The following SPON1 variants were observed in gnomAD, a reference collection of about 807,000 sequenced individuals.
The protein encoded by SPON1 is spondin-1.
A neutral mutation model predicts 111.7 loss-of-function variants in SPON1; 52 were observed. That is an observed-to-expected ratio of 0.47 (90% CI 0.37 to 0.59). The LOEUF (loss-of-function observed/expected upper bound fraction) is 0.59. Ranked by LOEUF, SPON1 falls within the 20% of genes least tolerant of loss-of-function variation. SPON1 has a pLI of 0.00. For synonymous variants in SPON1, 410 were observed against 395.8 expected (o/e 1.04, Z -0.43); for missense variants, 957 against 1,068.5 (o/e 0.90, Z 1.46).
chr11:14,057,831 C>CAAAAAAAAAAAAAAAAAAAAAAAA (rs782306609), intron 3 of SPON1, among the ~76,000 whole-genome samples: 11 of 100,570 alleles, frequency 1.1e-4, no homozygotes, highest in Admixed American at 3.3e-4. Context: ...CTTGTCTCTA[C>CAAAAAAAAAAAAAAAAAAAAAAAA]AAAAAAAAAA....
intron 6 of SPON1, among the ~76,000 whole-genome samples, chr11:14,241,342 T>G (rs1317535356): frequency 6.6e-6 from 1 of 152,038 alleles, no homozygotes; most frequent in Non-Finnish European, 1.5e-5. Flanking sequence ...AGTAAGAAAT[T>G]GTCATGGAAG....
chr11:14,066,578 G>C (rs1848834209), intron 3 of SPON1, among the ~76,000 whole-genome samples: 1 of 152,162 alleles, frequency 6.6e-6, no homozygotes, highest in African/African-American at 2.4e-5. Context: ...TGATCCAGCA[G>C]GTACCCCTAA....
intron 6 of SPON1, among the ~76,000 whole-genome samples, chr11:14,175,097 G>A (rs782107909): frequency 2.6e-5 from 4 of 152,168 alleles, no homozygotes; most frequent in African/African-American, 9.6e-5. Context: ...AAACCAGAAA[G>A]GAATCATTCC....
chr11:14,042,661 C>G (rs1215342974), intron 3 of SPON1, among the ~76,000 whole-genome samples: 1 of 151,950 alleles, frequency 6.6e-6, no homozygotes, highest in Non-Finnish European at 1.5e-5. Flanking sequence ...TTTTTAAATC[C>G]TCGAAGGTCT....
intron 2 of SPON1, among the ~76,000 whole-genome samples, chr11:13,990,301 G>T (rs1848217896): frequency 6.8e-6 from 1 of 146,110 alleles, no homozygotes; most frequent in Non-Finnish European, 1.5e-5. Context: ...ATTCTGTAAT[G>T]CCCTTCTTTG....
At chr11:14,058,340 C>G (rs971473973) in intron 3 of SPON1, among the ~76,000 whole-genome samples, 4 of 152,020 alleles carry the variant, frequency 2.6e-5, no homozygotes, top group Non-Finnish European at 5.9e-5. Context: ...CCTGTGTGAC[C>G]GGAGACTCGC....
chr11:14,049,710 C>G (rs1323530053), intron 3 of SPON1, among the ~76,000 whole-genome samples: 2 of 152,082 alleles, frequency 1.3e-5, no homozygotes, highest in South Asian at 2.1e-4. Flanking sequence ...GGTCCACAGC[C>G]CTTCATCCAC....
intron 2 of SPON1, among the ~76,000 whole-genome samples, chr11:13,992,883 C>T (rs1848242437): frequency 6.6e-6 from 1 of 152,024 alleles, no homozygotes. Flanking sequence ...GTGGGCTGCA[C>T]CCACTGTCCA....
chr11:14,045,076 A>G (rs965728161), intron 3 of SPON1, among the ~76,000 whole-genome samples: 2 of 152,220 alleles, frequency 1.3e-5, no homozygotes, highest in South Asian at 2.1e-4. Flanking sequence ...AGGGATGCAC[A>G]TTTATAATTT....
intron 2 of SPON1, among the ~76,000 whole-genome samples, chr11:13,988,203 T>C (rs1384513405): frequency 1.3e-5 from 2 of 152,354 alleles, no homozygotes; most frequent in Admixed American, 6.5e-5. Context: ...TGTTTTTCCA[T>C]TTGTTTGTGT....
In SPON1 at chr11:14,228,190, A is replaced by C. The variant is rs549452763; in HGVS notation, c.826-15142A>C. Among the ~76,000 whole-genome samples, 1 of 152,286 alleles carries C rather than the reference A, an allele frequency of 6.6e-6. No homozygotes were observed. Among genetic ancestry groups the C allele is most frequent in the South Asian group, 2.1e-4 (1 of 4,820 alleles). On this transcript the variant is annotated intron_variant, in intron 6 of 15. Coordinates refer to ENST00000576479, the MANE Select transcript of SPON1 (RefSeq NM_006108.4). This position sits in a 1 kb window ranked among gnomAD's most constrained non-coding sequence, Gnocchi z 4.2. ...GTCCTTCCGAGTTTGGTATGCATAC[A>C]CCAGGGCCCTTTGGGCTAACTCAGT... is the stretch of plus-strand genomic sequence containing the variant.
At chr11:14,112,708 T>G (rs1181273289) in intron 5 of SPON1, among the ~76,000 whole-genome samples, 3 of 152,196 alleles carry the variant, frequency 2.0e-5, no homozygotes, top group Admixed American at 6.5e-5. Context: ...ATTCCATAGA[T>G]AGTTAAGGAC....
chr11:14,179,907 A>G (rs1167847587), intron 6 of SPON1, among the ~76,000 whole-genome samples: 1 of 151,848 alleles, frequency 6.6e-6, no homozygotes, highest in Non-Finnish European at 1.5e-5. Context: ...GATGAAATGT[A>G]TTTGTCTCTA....
intron 3 of SPON1, among the ~76,000 whole-genome samples, chr11:14,069,410 C>T (rs970832028): frequency 1.3e-5 from 2 of 152,184 alleles, no homozygotes; most frequent in African/African-American, 4.8e-5. Context: ...CCATGTGTCT[C>T]ATAGAGTCTC....
In SPON1 at chr11:14,135,295, A is replaced by G. The variant is rs1288411426; in HGVS notation, c.677-125A>G. 1 of 1,100,540 alleles carries G rather than the reference A, an allele frequency of 9.1e-7. No homozygotes were observed. The highest frequency in any genetic ancestry group is 1.3e-6 in the Non-Finnish European group (1 of 765,114). 68.2% of individuals were successfully genotyped at this position (1,100,540 alleles called of 1,614,324 possible). A position where few individuals can be genotyped will look rare whatever the true frequency, so the allele number is the denominator to read the frequency against. ...ATCACTGAATGGCACAGGGCCTAAG[A>G]CAGAATAGGTGCTTAGTCAGTGCTC... On this transcript the variant is annotated intron_variant, in intron 5 of 15. Coordinates refer to ENST00000576479, the MANE Select transcript of SPON1 (RefSeq NM_006108.4). The surrounding 1 kb of genome is among the most constrained non-coding windows in gnomAD (Gnocchi z 4.4).
intron 6 of SPON1, among the ~76,000 whole-genome samples, chr11:14,197,158 C>T (rs886341485): frequency 9.2e-5 from 14 of 152,176 alleles, no homozygotes; most frequent in Non-Finnish European, 1.0e-4. Context: ...TACTGAAATA[C>T]TGGTGAACTG....
At chr11:14,153,221 C>T (rs967992041) in intron 6 of SPON1, among the ~76,000 whole-genome samples, 2 of 152,092 alleles carry the variant, frequency 1.3e-5, no homozygotes, top group East Asian at 1.9e-4. Context: ...AATGGAAAAA[C>T]CTTAGAACAC....
At chr11:14,244,091 A>G (rs1848960784) in intron 7 of SPON1, among the ~76,000 whole-genome samples, 1 of 152,152 alleles carries the variant, frequency 6.6e-6, no homozygotes, top group Admixed American at 6.5e-5. Context: ...CAGCTCACAA[A>G]TCAGTCCTTA....
chr11:13,997,505 A>C (rs923980880), intron 2 of SPON1, among the ~76,000 whole-genome samples: 5 of 152,218 alleles, frequency 3.3e-5, no homozygotes, highest in African/African-American at 7.2e-5. Flanking sequence ...AGGGACCCTC[A>C]ATCAATGCCT....
Sources: allele counts gnomAD v4.1 joint callset (sites outside exome capture counted in the v4.1 genomes callset), GRCh38; gene constraint gnomAD v4.1.1; non-coding constraint Gnocchi (gnomAD v3.1); transcripts MANE v1.5; gene names NCBI Gene and HGNC (gene_info 2026-07-23, HGNC 2026-07-21).